DDX21: variants seen among roughly 807,000 people sequenced by gnomAD.
DDX21 encodes the protein DExD-box helicase 21, also known as nucleolar RNA helicase 2.
Under a neutral mutation model 90.0 loss-of-function variants are expected in DDX21, and 18 were observed. That is an observed-to-expected ratio of 0.20 (90% CI 0.14 to 0.30). DDX21 has a LOEUF of 0.30. Ranked by LOEUF, DDX21 falls within the 10% of genes least tolerant of loss-of-function variation. DDX21 has a pLI of 1.00. For missense variants in DDX21, 673 were observed against 944.5 expected (o/e 0.71, Z 3.77); for synonymous variants, 294 against 318.0 (o/e 0.92, Z 0.80).
intron 13 of DDX21, among the ~76,000 whole-genome samples, chr10:68,981,325 G>A (rs1163630950): frequency 1.3e-5 from 2 of 152,130 alleles, no homozygotes; most frequent in Non-Finnish European, 2.9e-5. Context: ...ATCATTTGGG[G>A]TTCTTTTTTT....
In DDX21 at chr10:68,966,234, G is replaced by A. The variant is rs534504773; in HGVS notation, c.904+740G>A. The stretch of plus-strand genomic sequence containing the variant: ...TGGCGTGAACCTGGGAGGCTCCCAC[G>A]CCCGGCTAATTTTTGTATTTTTAGT... On this transcript the variant is annotated intron_variant, in intron 5 of 14. Transcript: ENST00000354185. 2.4e-4 allele frequency among the ~76,000 whole-genome samples: 36 copies of A among 151,000 alleles called. No homozygotes were observed. The South Asian group carries it at 7.4e-3, about 31-fold the overall frequency.
At chr10:68,960,296 C>G in intron 2 of DDX21, 47 bp downstream of exon 2, 2 of 1,534,122 alleles carry the variant, frequency 1.3e-6, no homozygotes, top group Non-Finnish European at 1.7e-6. Flanking sequence ...ATTGTTGTTT[C>G]AGATAAATAA....
Position 68,959,940 on chromosome 10 carries a change from CA to C in DDX21, c.227del (p.Lys76ArgfsTer20). On this transcript the variant is annotated frameshift_variant, in exon 2 of 15. Coordinates refer to ENST00000354185, the MANE Select transcript of DDX21 (RefSeq NM_004728.4). LOFTEE classifies it high-confidence loss of function. ...SEVDMNSPKSKKAKKKEEPSQ... is the reference protein window; with the variant it reads ...SEVDMNSPKSXKAKKKEEPSQ... ...AAGTTGACATGAATTCTCCTAAATC[CA>C]AAAAGGCAAAAAAGAAAGAGGAGCC... The C allele has an allele frequency of 6.2e-7, 1 of 1,609,472 alleles. No individual in the cohort carries two copies. The highest frequency in any genetic ancestry group is 1.3e-5 in the African/African-American group (1 of 74,524).
intron 13 of DDX21, 117 bp downstream of exon 13, chr10:68,979,093 C>G (rs1843150520): frequency 7.1e-7 from 1 of 1,407,344 alleles, no homozygotes; most frequent in African/African-American, 1.4e-5. Flanking sequence ...TCTCATCTTC[C>G]CTGGGTAATC....
chr10:68,960,091 A>G lies in DDX21; in HGVS notation c.373A>G (p.Ile125Val), dbSNP rs1370325136. ...TKNEEPSEEE[I>V]DAPKPKKMKK... ...AAATGAGGAGCCTTCTGAGGAAGAA[A>G]TAGATGCTCCTAAGCCCAAGAAGAT... Residue 125 changes from isoleucine (I) to valine (V), a missense_variant, in exon 2 of 15, where the codon ATA (isoleucine) becomes GTA (valine). Transcript: ENST00000354185. 6 of 1,613,106 alleles carry G rather than the reference A, an allele frequency of 3.7e-6. No homozygotes were observed. Among genetic ancestry groups the G allele is most frequent in the African/African-American group, 1.3e-5 (1 of 74,946 alleles).
In DDX21 at chr10:68,959,923, A is replaced by G. The variant is rs780414967; in HGVS notation, c.205A>G (p.Met69Val). 3.1e-6 allele frequency: 5 copies of G among 1,609,864 alleles called. No homozygotes were observed. Among genetic ancestry groups the G allele is most frequent in the Non-Finnish European group, 4.2e-6 (5 of 1,179,334 alleles). ...GAAAGCAGAGCCTTCTGAAGTTGAC[A>G]TGAATTCTCCTAAATCCAAAAAGGC... ...KKKAEPSEVDMNSPKSKKAKK... is the reference protein window; with the variant it reads ...KKKAEPSEVDVNSPKSKKAKK... The change falls in exon 2 of 15, where the codon ATG (methionine) becomes GTG (valine). Residue 69 changes from methionine to valine, a missense_variant. This residue lies in a region of DDX21 where 204 missense variants were observed against 221.6 expected (regional missense o/e 0.92). Transcript: ENST00000354185.
At chr10:68,979,827 T>G (rs559645286) in intron 13 of DDX21, among the ~76,000 whole-genome samples, 2 of 152,246 alleles carry the variant, frequency 1.3e-5, no homozygotes, top group Non-Finnish European at 2.9e-5. Flanking sequence ...CTTCATGTCC[T>G]GGCCTCTGCT....
rs144943676 is a variant in DDX21, at chr10:68,982,760, G to T, written c.2300G>T (p.Arg767Ile). 1.7e-4 allele frequency: 270 copies of T among 1,614,162 alleles called. No individual in the cohort carries two copies. In the African/African-American group the frequency reaches 3.3e-3, roughly 20 times the overall value. The part of the protein sequence containing the change: ...QRSGGGNKSN[R>I]SQNKGQKRSF... ...TCAGGAGGTGGCAACAAAAGTAACAGATCCCAAAACAAAGGCCAGAAGCGG... is the reference window on the plus strand; with the variant it reads ...TCAGGAGGTGGCAACAAAAGTAACATATCCCAAAACAAAGGCCAGAAGCGG... The change falls in exon 15 of 15, where the codon AGA becomes ATA. Residue 767 changes from arginine (R) to isoleucine (I), a missense_variant. Physicochemically the swap from Arg to Ile is moderately conservative, Grantham distance 97. Around this residue, in one of 4 missense-constraint regions of DDX21, gnomAD observed 225 missense variants for 298.8 expected, o/e 0.75. Coordinates refer to ENST00000354185, the MANE Select transcript of DDX21 (RefSeq NM_004728.4).
chr10:68,971,079 A>G (rs1456145708), intron 8 of DDX21, among the ~76,000 whole-genome samples: 2 of 142,402 alleles, frequency 1.4e-5, no homozygotes. Context: ...AGCATGCACC[A>G]CCATACCTGG....
At chr10:68,968,170 C>T (rs752869145) in intron 6 of DDX21, among the ~76,000 whole-genome samples, 35 of 152,158 alleles carry the variant, frequency 2.3e-4, no homozygotes, top group Middle Eastern at 3.4e-3. Flanking sequence ...CTACCGCGGC[C>T]GCCCTTTTTT....
intron 3 of DDX21, 85 bp downstream of exon 3, chr10:68,962,242 A>T: frequency 9.9e-7 from 1 of 1,013,542 alleles, no homozygotes; most frequent in Non-Finnish European, 1.5e-6. Flanking sequence ...ATGAACCAGG[A>T]TGTATTCTTA....
At chr10:68,980,028 G>A (rs934526346) in intron 13 of DDX21, among the ~76,000 whole-genome samples, 1 of 152,084 alleles carries the variant, frequency 6.6e-6, no homozygotes, top group African/African-American at 2.4e-5. Context: ...ATCACCTGAG[G>A]TCGGGAGTTT....
chr10:68,966,930 T>C, intron 5 of DDX21, 88 bp from the exon 6 acceptor site: 1 of 1,081,274 alleles, frequency 9.2e-7, no homozygotes, highest in Non-Finnish European at 1.3e-6. Flanking sequence ...ACAAATATTT[T>C]AGAGTAACAA....
Position 68,969,065 on chromosome 10 carries a change from T to A in DDX21, c.1180T>A (p.Tyr394Asn). The A allele has an allele frequency of 6.2e-7, 1 of 1,614,064 alleles. No individual in the cohort carries two copies. Among genetic ancestry groups the A allele is most frequent in the Non-Finnish European group, 8.5e-7 (1 of 1,179,982 alleles). The change falls in exon 7 of 15, where the codon TAT becomes AAT. Residue 394 changes from tyrosine (Y) to asparagine (N), a missense_variant. Coordinates refer to ENST00000354185, the MANE Select transcript of DDX21 (RefSeq NM_004728.4). ...TGCCAAGAAATACATGAAATCTACA[T>A]ATGAACAGGTGGACCTGATTGGTAA... ...NVAKKYMKST[Y>N]EQVDLIGKKT...
At chr10:68,957,444 A>G (rs1842813531) in intron 1 of DDX21, among the ~76,000 whole-genome samples, 1 of 152,142 alleles carries the variant, frequency 6.6e-6, no homozygotes, top group Non-Finnish European at 1.5e-5. Context: ...TTGTCCTTGA[A>G]CTTAGGTTGT....
At chr10:68,956,430 C>G (rs972194781) in intron 1 of DDX21, 118 bp downstream of exon 1, 2 of 1,519,354 alleles carry the variant, frequency 1.3e-6, no homozygotes, top group African/African-American at 2.8e-5. Flanking sequence ...CGCGTCCAGA[C>G]ACCGGGCGTG....
chr10:68,974,537 A>G lies in DDX21; in HGVS notation c.1669-133A>G, dbSNP rs141740424. Reference sequence around the variant, plus strand: ...GTACTGTCTTTGTAGCTTTTCTGTAAGTCTAAAATTAAAAGTTCATTTTTT... The same window carrying G: ...GTACTGTCTTTGTAGCTTTTCTGTAGGTCTAAAATTAAAAGTTCATTTTTT... On this transcript the variant is annotated intron_variant, in intron 10 of 14. Transcript: ENST00000354185. The G allele has an allele frequency of 9.2e-5, 61 of 662,242 alleles. No homozygotes were observed. In the African/African-American group the frequency reaches 9.7e-4, roughly 11 times the overall value. 41.0% of individuals were successfully genotyped at this position (662,242 alleles called of 1,614,324 possible).
In DDX21 at chr10:68,973,550, A is replaced by G. The variant is rs1843055464; in HGVS notation, c.1554A>G (p.Val518=). The G allele has an allele frequency of 3.1e-6, 5 of 1,613,966 alleles. No homozygotes were observed. Among genetic ancestry groups the G allele is most frequent in the Non-Finnish European group, 4.2e-6 (5 of 1,179,964 alleles). ...CATGTATTTTACTTCAATAGGATGTAGAGTCCTACATTCATCGATCCGGGC... is the reference window on the plus strand; with the variant it reads ...CATGTATTTTACTTCAATAGGATGTGGAGTCCTACATTCATCGATCCGGGC... ...LVIQSSPPKD[V]ESYIHRSGRT... The change falls in exon 10 of 15, where the codon GTA becomes GTG. Residue 518 remains valine (V), a synonymous_variant. Transcript: ENST00000354185.
Position 68,984,198 on chromosome 10 carries a change from A to G in DDX21, c.*1386A>G, listed in dbSNP as rs1457955962. The G allele has an allele frequency of 6.6e-6, 1 of 152,228 alleles. No homozygotes were observed. Among genetic ancestry groups the G allele is most frequent in the African/African-American group, 2.4e-5 (1 of 41,452 alleles). 9.4% of individuals were successfully genotyped at this position (152,228 alleles called of 1,614,324 possible). A position where few individuals can be genotyped will look rare whatever the true frequency, so the allele number is the denominator to read the frequency against. The stretch of plus-strand genomic sequence containing the variant: ...CTGGAACTACTATGCTAGGAAATTT[A>G]AAGCTGCATGGTCTGTCTTGTTTTC... On this transcript the variant is annotated 3_prime_UTR_variant, in exon 15 of 15. Coordinates refer to ENST00000354185, the MANE Select transcript of DDX21 (RefSeq NM_004728.4).
Sources: allele counts gnomAD v4.1 joint callset (sites outside exome capture counted in the v4.1 genomes callset), GRCh38; gene constraint gnomAD v4.1.1; regional missense constraint gnomAD v4.1.1; transcripts MANE v1.5; gene names NCBI Gene and HGNC (gene_info 2026-07-23, HGNC 2026-07-21).